Variants in CEP295 observed in about 807,000 individuals in gnomAD.
The protein encoded by CEP295 is centrosomal protein 295.
In CEP295, 190 loss-of-function variants were observed where a neutral mutation model predicts 291.6. The ratio of observed to expected loss-of-function variants is 0.65; its 90% CI spans 0.58 to 0.73. CEP295 has a LOEUF of 0.73. CEP295 is among the 30% of genes least tolerant of loss of function. The pLI is 0.00. For missense variants in CEP295, 2,863 were observed against 2,949.4 expected, an observed-to-expected ratio of 0.97 and a Z score of 0.68; for synonymous variants, 993 against 1,038.8, an observed-to-expected ratio of 0.96 and a Z score of 0.85.
At chr11:93,721,914 AC>A in intron 19 of CEP295, 39 bp from the exon 20 acceptor site, 1 of 1,406,314 alleles carries the variant, frequency 7.1e-7, no homozygotes, top group Non-Finnish European at 1.0e-6. Context: ...CTTACATACT[AC>A]TTGCTACATT....
intron 5 of CEP295, among the ~76,000 whole-genome samples, chr11:93,673,263 A>G (rs141617514): frequency 5.9e-5 from 9 of 152,296 alleles, no homozygotes; most frequent in Admixed American, 2.0e-4. Flanking sequence ...CAGCCTGGGC[A>G]ACATAGCAAG....
Position 93,666,762 on chromosome 11 carries a change from G to T in CEP295, c.55G>T (p.Ala19Ser), listed in dbSNP as rs1950223124. Residue 19 changes from alanine (A) to serine (S), a missense_variant, in exon 2 of 30, where the codon GCC becomes TCC. Physicochemically the swap from Ala to Ser is moderately conservative, Grantham distance 99. Coordinates refer to ENST00000325212, the MANE Select transcript of CEP295 (RefSeq NM_033395.2). ...HKLRLSPNEE[A>S]FILKEDYERR... ...GCTGAGATTGAGTCCTAATGAGGAA[G>T]CCTTCATTTTGAAGGAAGATTATGA... 6.5e-7 allele frequency: 1 copy of T among 1,549,180 alleles called. No individual in the cohort carries two copies. Among genetic ancestry groups the T allele is most frequent in the East Asian group, 2.4e-5 (1 of 40,868 alleles).
chr11:93,709,949 T>C (rs1051750075), intron 18 of CEP295, among the ~76,000 whole-genome samples: 1 of 152,210 alleles, frequency 6.6e-6, no homozygotes, highest in Admixed American at 6.5e-5. Context: ...TGATTTGCTT[T>C]TGGCATATAG....
chr11:93,730,022 C>A (rs1332940407), intron 28 of CEP295, 27 bp from the exon 29 acceptor site: 1 of 1,479,724 alleles, frequency 6.8e-7, no homozygotes, highest in East Asian at 2.5e-5. Flanking sequence ...CAGTGTTTGT[C>A]TCTAATTCTA....
chr11:93,673,741 C>CTAGGCCTG (rs1333131135), intron 5 of CEP295, among the ~76,000 whole-genome samples: 1 of 152,058 alleles, frequency 6.6e-6, no homozygotes, highest in African/African-American at 2.4e-5. Flanking sequence ...GATCTGCCTG[C>CTAGGCCTG]CTTGGCCTCC....
At chr11:93,726,656 A>G (rs1227697017) in intron 23 of CEP295, 1 of 199,338 alleles carries the variant, frequency 5.0e-6, no homozygotes. Flanking sequence ...CACATGGATA[A>G]TTGAGATACA....
At chr11:93,721,257 G>T in intron 18 of CEP295, 55 bp from the exon 19 acceptor site, 1 of 994,056 alleles carries the variant, frequency 1.0e-6, no homozygotes, top group Non-Finnish European at 1.6e-6. Context: ...AATTTGATTT[G>T]TCTTATCCCA....
intron 18 of CEP295, among the ~76,000 whole-genome samples, chr11:93,715,241 G>A (rs1189332942): frequency 6.6e-6 from 1 of 152,076 alleles, no homozygotes; most frequent in East Asian, 1.9e-4. Context: ...CTTAGGCAAA[G>A]GACTCTCTCC....
Position 93,729,655 on chromosome 11 carries a change from GA to G in CEP295, c.7443del (p.Ala2482HisfsTer3). The G allele has an allele frequency of 6.4e-7, 1 of 1,550,746 alleles. No individual in the cohort carries two copies. Among genetic ancestry groups the G allele is most frequent in the Non-Finnish European group, 8.7e-7 (1 of 1,146,750 alleles). Reference protein sequence around the residue: ...RLTPVPGSLQEAFIKRKKSFM... With the variant: ...RLTPVPGSLQXAFIKRKKSFM... Reference sequence around the variant, plus strand: ...TACACCTGTACCAGGGAGCTTACAAGAAGCATTTATAAAGAGGAAAAAATCA... The same window carrying G: ...TACACCTGTACCAGGGAGCTTACAAGAGCATTTATAAAGAGGAAAAAATCA... On this transcript the variant is annotated frameshift_variant, in exon 27 of 30. Coordinates refer to ENST00000325212, the MANE Select transcript of CEP295 (RefSeq NM_033395.2). LOFTEE classifies it high-confidence loss of function.
Position 93,698,755 on chromosome 11 carries a change from ATCT to A in CEP295, c.3847_3849del (p.Ser1283del). 6.4e-7 allele frequency: 1 copy of A among 1,551,656 alleles called. No homozygotes were observed. The highest frequency in any genetic ancestry group is 8.7e-7 in the Non-Finnish European group (1 of 1,147,006). On this transcript the variant is annotated inframe_deletion, in exon 15 of 30. Transcript: ENST00000325212. ...TCAGCCAGAAAACCCAAGAAAATAC[ATCT>A]TCTGAACAAACTGGTTCATCTTCAT... is the stretch of plus-strand genomic sequence containing the variant.
rs1159434303 is a variant in CEP295 at position 93,699,383 on chromosome 11, A to G, written c.4471A>G (p.Lys1491Glu). ...VLSKPCKFEE[K>E]VSSEHFIQSH... ...GTCAAAACCATGTAAATTTGAGGAA[A>G]AGGTATCTTCTGAGCATTTTATCCA... The change falls in exon 15 of 30, where the codon AAG (lysine) becomes GAG (glutamate). Residue 1491 changes from lysine to glutamate, a missense_variant. Physicochemically the swap from Lys to Glu is moderately conservative, Grantham distance 56. Coordinates refer to ENST00000325212, the MANE Select transcript of CEP295 (RefSeq NM_033395.2). The G allele has an allele frequency of 3.2e-6, 5 of 1,551,856 alleles. No individual in the cohort carries two copies. Among genetic ancestry groups the G allele is most frequent in the Non-Finnish European group, 3.5e-6 (4 of 1,147,002 alleles).
intron 9 of CEP295, among the ~76,000 whole-genome samples, chr11:93,686,485 A>G (rs1223812685): frequency 6.6e-6 from 1 of 152,022 alleles, no homozygotes; most frequent in Non-Finnish European, 1.5e-5. Flanking sequence ...GGTGTTGCCA[A>G]GTTGTTTGTT....
At chr11:93,702,421 C>T in intron 15 of CEP295, 39 bp from the exon 16 acceptor site, 1 of 1,407,960 alleles carries the variant, frequency 7.1e-7, no homozygotes, top group South Asian at 1.5e-5. Flanking sequence ...ACATGATCCC[C>T]CAACTTGTGC....
At chr11:93,695,974 AAAT>A (rs1254197509) in intron 13 of CEP295, among the ~76,000 whole-genome samples, 4 of 152,168 alleles carry the variant, frequency 2.6e-5, no homozygotes, top group East Asian at 1.9e-4. Flanking sequence ...CATCTCAAAA[AAAT>A]AATAATAATA....
At chr11:93,700,695 C>G (rs950863362) in intron 15 of CEP295, among the ~76,000 whole-genome samples, 1 of 151,894 alleles carries the variant, frequency 6.6e-6, no homozygotes, top group African/African-American at 2.4e-5. Context: ...TGACCCAAAG[C>G]TCAATTAATT....
intron 23 of CEP295, 150 bp downstream of exon 23, chr11:93,725,981 A>G (rs1372552138): frequency 3.2e-6 from 2 of 629,450 alleles, no homozygotes; most frequent in Non-Finnish European, 2.7e-6. Flanking sequence ...TACAGAAGTA[A>G]TACATGCATT....
intron 19 of CEP295, 194 bp downstream of exon 19, chr11:93,721,606 C>T (rs1470862738): frequency 7.9e-6 from 6 of 757,694 alleles, no homozygotes; most frequent in Admixed American, 5.1e-5. Context: ...GATGCATGAT[C>T]TCTACAGTTC....
chr11:93,702,025 C>A (rs933477577), intron 15 of CEP295, among the ~76,000 whole-genome samples: 1 of 152,052 alleles, frequency 6.6e-6, no homozygotes, highest in African/African-American at 2.4e-5. Context: ...GTGGCACGAT[C>A]TTGGCTCACT....
At chr11:93,722,944 G>A (rs1014120220) in intron 20 of CEP295, 97 bp from the exon 21 acceptor site, 9 of 902,556 alleles carry the variant, frequency 1.0e-5, no homozygotes, top group Admixed American at 3.0e-5. Flanking sequence ...TCTTGACCTC[G>A]TGATCCACCC....
Sources: allele counts gnomAD v4.1 joint callset (sites outside exome capture counted in the v4.1 genomes callset), GRCh38; gene constraint gnomAD v4.1.1; transcripts MANE v1.5; gene names NCBI Gene and HGNC (gene_info 2026-07-23, HGNC 2026-07-21).